The following PRPF8 variants were observed in gnomAD, a reference collection of about 807,000 sequenced individuals.
The protein encoded by PRPF8 is pre-mRNA processing factor 8.
PRPF8 carries 64 observed loss-of-function variants against 285.9 expected under a neutral mutation model. That is an observed-to-expected ratio of 0.22 (90% CI 0.18 to 0.28). The LOEUF (loss-of-function observed/expected upper bound fraction) is 0.28, where lower values mean the gene tolerates loss of function less well. Ranked by LOEUF, PRPF8 falls within the 10% of genes least tolerant of loss-of-function variation. The pLI, the probability that PRPF8 is intolerant of heterozygous loss-of-function variation, is 1.00. For missense variants in PRPF8, 1,426 were observed against 3,026.7 expected (o/e 0.47, Z 12.41); for synonymous variants, 1,325 against 1,118.2 (o/e 1.18, Z -3.69).
chr17:1,651,130 G>A lies in PRPF8; in HGVS notation c.6831C>T (p.Ser2277=). The change falls in exon 42 of 43, where the codon TCC becomes TCT. Residue 2277 remains serine (S), a synonymous_variant. Transcript: ENST00000304992. This position sits in a 1 kb window ranked among gnomAD's most constrained non-coding sequence, Gnocchi z 5.1. Reference sequence around the variant, plus strand: ...TACCCATGAAGTTGTAGTTCCACGAGGACTGGGCAGGGACCATGAAGAAGC... The same window carrying A: ...TACCCATGAAGTTGTAGTTCCACGAAGACTGGGCAGGGACCATGAAGAAGC... ...FLGFFMVPAQ[S]SWNYNFMGVR... 1 of 1,614,174 alleles carries A rather than the reference G, an allele frequency of 6.2e-7. No individual in the cohort carries two copies. Among genetic ancestry groups the A allele is most frequent in the Non-Finnish European group, 8.5e-7 (1 of 1,180,036 alleles).
rs1252887508 is a variant in PRPF8 at position 1,684,825 on chromosome 17, G to A, written c.-57C>T. ...AGGCCGCTTTCCCCGCAGCGCAATG[G>A]CGGCCAGACTGCGTCCGCTCCGCGT... is the stretch of plus-strand genomic sequence containing the variant. On this transcript the variant is annotated 5_prime_UTR_variant, in exon 1 of 43. Coordinates refer to ENST00000304992, the MANE Select transcript of PRPF8 (RefSeq NM_006445.4). 5 of 597,040 alleles carry A rather than the reference G, an allele frequency of 8.4e-6. No homozygotes were observed. Among genetic ancestry groups the A allele is most frequent in the Non-Finnish European group, 1.5e-5 (5 of 334,196 alleles). 37.0% of individuals were successfully genotyped at this position (597,040 alleles called of 1,614,324 possible). A position where few individuals can be genotyped will look rare whatever the true frequency, so the allele number is the denominator to read the frequency against.
chr17:1,670,491 T>G lies in PRPF8; in HGVS notation c.3774+2590A>C, dbSNP rs190336866. On this transcript the variant is annotated intron_variant, in intron 24 of 42. Transcript: ENST00000304992. Reference sequence around the variant, plus strand: ...CAGTGCTCTCATCATTTTTATTGATTTATGTATTTTTTTGGAGACAGAGTC... The same window carrying G: ...CAGTGCTCTCATCATTTTTATTGATGTATGTATTTTTTTGGAGACAGAGTC... Among the ~76,000 whole-genome samples the G allele has an allele frequency of 5.3e-5, 8 of 152,270 alleles. No homozygotes were observed. In the East Asian group the frequency reaches 1.5e-3, roughly 29 times the overall value.
At chr17:1,655,311 T>C (rs1415066471) in intron 37 of PRPF8, 39 bp downstream of exon 37, 11 of 1,610,242 alleles carry the variant, frequency 6.8e-6, no homozygotes, top group Admixed American at 1.7e-5. Context: ...GAAAACCGTA[T>C]ATAGACCTCC....
chr17:1,677,823 G>T, intron 13 of PRPF8, 129 bp from the exon 14 acceptor site: 22 of 1,212,950 alleles, frequency 1.8e-5, no homozygotes, highest in East Asian at 5.0e-5. Context: ...CAGTAGAGGG[G>T]TAAAAAGAAA....
In PRPF8 at chr17:1,684,796, C is replaced by A; in HGVS notation, c.-28G>T. The A allele has an allele frequency of 1.7e-6, 1 of 600,392 alleles. No individual in the cohort carries two copies. Among genetic ancestry groups the A allele is most frequent in the South Asian group, 1.9e-5 (1 of 51,408 alleles). 37.2% of individuals were successfully genotyped at this position (600,392 alleles called of 1,614,324 possible). On this transcript the variant is annotated 5_prime_UTR_variant, in exon 1 of 43. Transcript: ENST00000304992. The stretch of plus-strand genomic sequence containing the variant: ...GCCACGCACCCCACAGGCCCTCACA[C>A]AAGAGGCCGCTTTCCCCGCAGCGCA...
chr17:1,657,203 T>A (rs189261327), intron 34 of PRPF8, among the ~76,000 whole-genome samples: 2 of 152,196 alleles, frequency 1.3e-5, no homozygotes, highest in African/African-American at 4.8e-5. Flanking sequence ...GAATGTAAGA[T>A]GAAACATGCT....
At chr17:1,666,269 G>A (rs1911980125) in intron 24 of PRPF8, among the ~76,000 whole-genome samples, 1 of 152,028 alleles carries the variant, frequency 6.6e-6, no homozygotes, top group African/African-American at 2.4e-5. Flanking sequence ...ATGCAACAAG[G>A]CCAGGCGTGG....
chr17:1,668,354 CTTTTTTTTTTTT>C (rs970795981), intron 24 of PRPF8, among the ~76,000 whole-genome samples: 3 of 105,576 alleles, frequency 2.8e-5, no homozygotes, highest in East Asian at 2.8e-4. Context: ...GTCTAGCATT[CTTTTTTTTTTTT>C]TTTTTTTTTT....
Position 1,679,878 on chromosome 17 carries a change from C to G in PRPF8, c.1099-79G>C, listed in dbSNP as rs1213658104. 2 of 1,525,402 alleles carry G rather than the reference C, an allele frequency of 1.3e-6. No individual in the cohort carries two copies. Among genetic ancestry groups the G allele is most frequent in the East Asian group, 4.5e-5 (2 of 44,436 alleles). The allele number at this position is 1,525,402 out of a possible 1,614,324, so 94.5% of individuals were successfully genotyped here. A position where few individuals can be genotyped will look rare whatever the true frequency, so the allele number is the denominator to read the frequency against. On this transcript the variant is annotated intron_variant, in intron 8 of 42. Coordinates refer to ENST00000304992, the MANE Select transcript of PRPF8 (RefSeq NM_006445.4). The surrounding 1 kb of genome is among the most constrained non-coding windows in gnomAD (Gnocchi z 4.7). ...TAAGATGAGGGAAATTCTCTGGGGC[C>G]AAGCACAAAGCCTGTATCTGCTATG...
intron 24 of PRPF8, among the ~76,000 whole-genome samples, chr17:1,665,159 CAAAAAAAAAAA>C (rs562789942): frequency 5.6e-5 from 3 of 53,512 alleles, no homozygotes; most frequent in African/African-American, 1.8e-4. Flanking sequence ...GACTCTGCCT[CAAAAAAAAAAA>C]AAAAAAAAAA....
chr17:1,673,577 G>A lies in PRPF8; in HGVS notation c.3447-10C>T. On this transcript the variant is annotated splice_polypyrimidine_tract_variant and intron_variant, in intron 22 of 42. Transcript: ENST00000304992. This position sits in a 1 kb window ranked among gnomAD's most constrained non-coding sequence, Gnocchi z 5.5. ...GAATACCGCCCGGCCTCTGCCCACA[G>A]AGAACACATGGTCACAGCAGTTTCT... 6.2e-7 allele frequency: 1 copy of A among 1,613,958 alleles called. No individual in the cohort carries two copies. Among genetic ancestry groups the A allele is most frequent in the South Asian group, 1.1e-5 (1 of 91,068 alleles).
chr17:1,678,702 T>A (rs766115459), intron 12 of PRPF8, 50 bp from the exon 13 acceptor site: 1 of 1,614,084 alleles, frequency 6.2e-7, no homozygotes, highest in Non-Finnish European at 8.5e-7. Flanking sequence ...AGCTCCACGG[T>A]CAGCACAGGC....
Position 1,659,720 on chromosome 17 carries a change from C to A in PRPF8, c.4946+121G>T. On this transcript the variant is annotated intron_variant, in intron 31 of 42. Transcript: ENST00000304992. The surrounding 1 kb of genome is among the most constrained non-coding windows in gnomAD (Gnocchi z 5.1). ...ACTAAGGGTGTTGACAGGCTCCAAG[C>A]GTAGCACTGGCTCCAAGTTTGAAAC... The A allele has an allele frequency of 7.2e-7, 1 of 1,398,012 alleles. No individual in the cohort carries two copies. The highest frequency in any genetic ancestry group is 9.9e-7 in the Non-Finnish European group (1 of 1,010,708). The allele number at this position is 1,398,012 out of a possible 1,614,324, so 86.6% of individuals were successfully genotyped here.
intron 37 of PRPF8, 23 bp from the exon 38 acceptor site, chr17:1,654,039 A>G: frequency 6.2e-7 from 1 of 1,614,068 alleles, no homozygotes; most frequent in Non-Finnish European, 8.5e-7. Flanking sequence ...TGTGGGTTAT[A>G]TTACAAGGAT....
At position 1,674,516 on chromosome 17, in the gene PRPF8, C is replaced by A. The variant is rs771332947; in HGVS notation, c.3225G>T (p.Gln1075His). The change falls in exon 21 of 43, where the codon CAG becomes CAT. Residue 1075 changes from glutamine to histidine, a missense_variant. By Grantham distance (24) the Gln-to-His change is conservative (BLOSUM62 0). Around this residue, in one of 34 missense-constraint regions of PRPF8, gnomAD observed 148 missense variants for 196.2 expected, o/e 0.75. Transcript: ENST00000304992. ...GGTGGGCAGCCTCAGTGGCTATGTC[C>A]TGGAAACTGAGAAAGTCATTTGGCA... ...PQMPNDFLSF[Q>H]DIATEAAHPI... is the part of the protein sequence containing the mutation. The A allele has an allele frequency of 4.3e-6, 7 of 1,614,046 alleles. No individual in the cohort carries two copies. Among genetic ancestry groups the A allele is most frequent in the South Asian group, 1.1e-5 (1 of 91,088 alleles).
Position 1,653,796 on chromosome 17 carries a change from T to C in PRPF8, c.6208A>G (p.Lys2070Glu). 1 of 1,614,098 alleles carries C rather than the reference T, an allele frequency of 6.2e-7. No individual in the cohort carries two copies. Among genetic ancestry groups the C allele is most frequent in the Non-Finnish European group, 8.5e-7 (1 of 1,180,000 alleles). Reference sequence around the variant, plus strand: ...CAGTACCTGACCCTCCACTCAGTCTTGGATGAGAAAGTCTGGGTCTCATAG... The same window carrying C: ...CAGTACCTGACCCTCCACTCAGTCTCGGATGAGAAAGTCTGGGTCTCATAG... ...SNYETQTFSS[K>E]TEWRVRAISA... The change falls in exon 38 of 43, where the codon AAG becomes GAG. Residue 2070 changes from lysine (K) to glutamate (E), a missense_variant. Physicochemically the swap from Lys to Glu is moderately conservative, Grantham distance 56. Transcript: ENST00000304992. This position sits in a 1 kb window ranked among gnomAD's most constrained non-coding sequence, Gnocchi z 4.9.
At position 1,675,397 on chromosome 17, in the gene PRPF8, C is replaced by G; in HGVS notation, c.2873-58G>C. On this transcript the variant is annotated intron_variant, in intron 19 of 42. Coordinates refer to ENST00000304992, the MANE Select transcript of PRPF8 (RefSeq NM_006445.4). The surrounding 1 kb of genome is among the most constrained non-coding windows in gnomAD (Gnocchi z 6.0). The stretch of plus-strand genomic sequence containing the variant: ...TAGAAATCCTCTTGCAAGACTAGCC[C>G]CACAGGAACTATCATTACCTTCCAT... The G allele has an allele frequency of 6.3e-7, 1 of 1,582,422 alleles. No individual in the cohort carries two copies. The highest frequency in any genetic ancestry group is 1.1e-5 in the South Asian group (1 of 90,396).
intron 24 of PRPF8, among the ~76,000 whole-genome samples, chr17:1,669,842 A>G (rs1912209997): frequency 6.6e-6 from 1 of 152,052 alleles, no homozygotes; most frequent in South Asian, 2.1e-4. Context: ...TATTCCCCAC[A>G]TTTCCAAATT....
At position 1,680,847 on chromosome 17, in the gene PRPF8, G is replaced by A. The variant is rs779046116; in HGVS notation, c.993-16C>T. ...AGTATGGTACCTAAAATGAAAGGAA[G>A]AGTCAGCCAAAGTTTTCCCGCCCTG... On this transcript the variant is annotated splice_polypyrimidine_tract_variant and intron_variant, in intron 7 of 42. Transcript: ENST00000304992. 1.2e-6 allele frequency: 2 copies of A among 1,613,866 alleles called. No homozygotes were observed. Among genetic ancestry groups the A allele is most frequent in the South Asian group, 1.1e-5 (1 of 91,086 alleles).
Sources: allele counts gnomAD v4.1 joint callset (sites outside exome capture counted in the v4.1 genomes callset), GRCh38; gene constraint gnomAD v4.1.1; regional missense constraint gnomAD v4.1.1; non-coding constraint Gnocchi (gnomAD v3.1); transcripts MANE v1.5; gene names NCBI Gene and HGNC (gene_info 2026-07-23, HGNC 2026-07-21).